Variants in PBK observed in about 807,000 individuals in gnomAD.
The protein encoded by PBK is lymphokine-activated killer T-cell-originated protein kinase.
A neutral mutation model predicts 33.5 loss-of-function variants in PBK; 22 were observed. The ratio of observed to expected loss-of-function variants is 0.66; its 90% CI spans 0.47 to 0.94. PBK has a LOEUF of 0.94. PBK is among the 40% of genes least tolerant of loss of function. The pLI is 0.00. For synonymous variants in PBK, 129 were observed against 123.8 expected, an observed-to-expected ratio of 1.04 and a Z score of -0.28; for missense variants, 376 against 383.4, an observed-to-expected ratio of 0.98 and a Z score of 0.16.
At chr8:27,832,377 T>C (rs192479439) in intron 2 of PBK, among the ~76,000 whole-genome samples, 29 of 152,270 alleles carry the variant, frequency 1.9e-4, no homozygotes, top group Admixed American at 1.8e-3. Context: ...CTAACATTTC[T>C]ATTCAAAAAC....
In PBK at chr8:27,810,505, G is replaced by T. The variant is rs1312214517; in HGVS notation, c.773-4C>A. ...TCACTTTCATCAAAAGTTTTATCTTGAAGGAGTTAGAGATTGAAACAATAA... is the reference window on the plus strand; with the variant it reads ...TCACTTTCATCAAAAGTTTTATCTTTAAGGAGTTAGAGATTGAAACAATAA... On this transcript the variant is annotated splice_polypyrimidine_tract_variant and splice_region_variant and intron_variant, in intron 7 of 7. Transcript: ENST00000301905. The T allele has an allele frequency of 6.4e-7, 1 of 1,569,938 alleles. No homozygotes were observed. The highest frequency in any genetic ancestry group is 8.7e-7 in the Non-Finnish European group (1 of 1,144,014).
intron 4 of PBK, 83 bp from the exon 5 acceptor site, chr8:27,822,571 AT>A (rs1585428891): frequency 2.3e-6 from 2 of 877,932 alleles, no homozygotes; most frequent in East Asian, 5.3e-5. Context: ...GATTGAAAAT[AT>A]GGATCTGGAC....
At chr8:27,824,478 A>C (rs1805989917) in intron 3 of PBK, among the ~76,000 whole-genome samples, 2 of 152,132 alleles carry the variant, frequency 1.3e-5, no homozygotes. Context: ...AATGGAAACA[A>C]AACTACAGAT....
intron 6 of PBK, among the ~76,000 whole-genome samples, chr8:27,817,676 G>C (rs143807696): frequency 5.3e-5 from 8 of 151,694 alleles, no homozygotes; most frequent in African/African-American, 1.9e-4. Context: ...TTACTTCTTT[G>C]GACTGTGTTC....
chr8:27,814,897 C>A (rs1053304399), intron 6 of PBK, among the ~76,000 whole-genome samples: 7 of 152,142 alleles, frequency 4.6e-5, no homozygotes, highest in African/African-American at 1.7e-4. Flanking sequence ...CAAACCTTTA[C>A]TTCTGCTATA....
chr8:27,816,079 T>C (rs940575896), intron 6 of PBK, among the ~76,000 whole-genome samples: 1 of 152,170 alleles, frequency 6.6e-6, no homozygotes, highest in Non-Finnish European at 1.5e-5. Context: ...TCTCAGCTTA[T>C]TAAACATCAT....
intron 2 of PBK, among the ~76,000 whole-genome samples, chr8:27,829,114 A>G (rs1387411100): frequency 2.6e-5 from 4 of 152,178 alleles, no homozygotes; most frequent in Non-Finnish European, 4.4e-5. Context: ...AGAGAGCTCC[A>G]AAGAGAGCAC....
intron 6 of PBK, among the ~76,000 whole-genome samples, chr8:27,818,398 A>G (rs996831322): frequency 6.6e-6 from 1 of 152,246 alleles, no homozygotes; most frequent in Non-Finnish European, 1.5e-5. Context: ...AGGATATTTC[A>G]GTGGACAAGA....
chr8:27,828,037 T>C, intron 3 of PBK, 68 bp downstream of exon 3: 1 of 779,182 alleles, frequency 1.3e-6, no homozygotes, highest in Non-Finnish European at 2.2e-6. Context: ...TCAGACTACT[T>C]CTTTGTCTCC....
chr8:27,816,157 C>T (rs1585423704), intron 6 of PBK, among the ~76,000 whole-genome samples: 2 of 152,014 alleles, frequency 1.3e-5, no homozygotes, highest in South Asian at 4.2e-4. Context: ...TTCCTTGTAT[C>T]ATAACTGTCA....
intron 6 of PBK, among the ~76,000 whole-genome samples, chr8:27,816,343 C>CATATATATATATATATATA (rs1554559819): frequency 3.7e-5 from 5 of 136,372 alleles, no homozygotes; most frequent in African/African-American, 1.5e-4. Context: ...TCATCGAATA[C>CATATATATATATATATATA]TATATATATA....
In PBK at chr8:27,822,385, G is replaced by T; in HGVS notation, c.399C>A (p.Ala133=). 6.2e-7 allele frequency: 1 copy of T among 1,613,370 alleles called. No homozygotes were observed. The highest frequency in any genetic ancestry group is 8.5e-7 in the Non-Finnish European group (1 of 1,179,616). Residue 133 remains alanine, a synonymous_variant, in exon 5 of 8, where the codon GCC becomes GCA. Transcript: ENST00000301905. The part of the protein sequence containing the change: ...LNDLIEERYK[A]SQDPFPAAII... ...TGGCTGCTGGAAAAGGATCTTGGCT[G>T]GCTTTATATCGTTCTTCTATTAAGT...
In PBK at chr8:27,833,088, G is replaced by T; in HGVS notation, c.26C>A (p.Thr9Lys). Residue 9 changes from threonine to lysine, a missense_variant, in exon 2 of 8, where the codon ACA becomes AAA. Physicochemically the swap from Thr to Lys is moderately conservative, Grantham distance 78 (BLOSUM62 -1). Coordinates refer to ENST00000301905, the MANE Select transcript of PBK (RefSeq NM_018492.4). MEGISNFKTPSKLSEKKKS... is the reference protein window; with the variant it reads MEGISNFKKPSKLSEKKKS... The stretch of plus-strand genomic sequence containing the variant: ...CTTTTTTTCTGATAATTTGCTTGGT[G>T]TCTTGAAATTACTGATCCCTTCCAT... The T allele has an allele frequency of 6.3e-7, 1 of 1,598,626 alleles. No individual in the cohort carries two copies. The highest frequency in any genetic ancestry group is 8.5e-7 in the Non-Finnish European group (1 of 1,173,366).
rs767822258 is a variant in PBK, at chr8:27,816,343, CTATATATA to C, written c.595+4214_595+4221del. Among the ~76,000 whole-genome samples the C allele has an allele frequency of 1.8e-4, 25 of 136,384 alleles. No individual in the cohort carries two copies. In the East Asian group the frequency reaches 5.7e-3, roughly 31 times the overall value. The allele number at this position is 136,384 out of a possible 152,430, so 89.5% of individuals were successfully genotyped here. A position where few individuals can be genotyped will look rare whatever the true frequency, so the allele number is the denominator to read the frequency against. ...TAAGATTTTGGCTTTTCATCGAATA[CTATATATA>C]TATATATTTATTTATTTATTTATTT... On this transcript the variant is annotated intron_variant, in intron 6 of 7. Transcript: ENST00000301905.
intron 6 of PBK, chr8:27,811,899 G>A (rs1805693016): frequency 1.3e-5 from 2 of 152,086 alleles, no homozygotes; most frequent in Admixed American, 1.3e-4. Flanking sequence ...TTTGGTACTT[G>A]TAAATAGATT....
intron 5 of PBK, 118 bp downstream of exon 5, chr8:27,822,201 T>C (rs1033434789): frequency 2.7e-6 from 2 of 748,088 alleles, no homozygotes; most frequent in Non-Finnish European, 4.3e-6. Flanking sequence ...TAACCCCTTT[T>C]TGGAACTGAC....
At chr8:27,815,909 G>C (rs889833598) in intron 6 of PBK, among the ~76,000 whole-genome samples, 1 of 152,204 alleles carries the variant, frequency 6.6e-6, no homozygotes, top group African/African-American at 2.4e-5. Flanking sequence ...AAAGTTTGAT[G>C]AGATCATAAA....
chr8:27,819,739 T>TA (rs1159611215), intron 6 of PBK, among the ~76,000 whole-genome samples: 1 of 152,164 alleles, frequency 6.6e-6, no homozygotes, highest in African/African-American at 2.4e-5. Context: ...AAAAATACTT[T>TA]AAAAACCCTC....
At chr8:27,836,555 G>T (rs760440148) in intron 1 of PBK, among the ~76,000 whole-genome samples, 1 of 151,878 alleles carries the variant, frequency 6.6e-6, no homozygotes, top group African/African-American at 2.4e-5. Flanking sequence ...AGAGAAGAGG[G>T]GTGAGCCCTA....
Sources: allele counts gnomAD v4.1 joint callset (sites outside exome capture counted in the v4.1 genomes callset), GRCh38; gene constraint gnomAD v4.1.1; transcripts MANE v1.5; gene names NCBI Gene and HGNC (gene_info 2026-07-23, HGNC 2026-07-21).